CMTM8: variants seen among roughly 807,000 people sequenced by gnomAD.
CMTM8 encodes the protein CKLF like MARVEL transmembrane domain containing 8.
CMTM8 carries 12 observed loss-of-function variants against 18.6 expected under a neutral mutation model. The ratio of observed to expected loss-of-function variants is 0.65; its 90% CI spans 0.41 to 1.05. CMTM8 has a LOEUF of 1.05. CMTM8 is among the 50% of genes least tolerant of loss of function. CMTM8 has a pLI of 0.00. For synonymous variants in CMTM8, 87 were observed against 90.6 expected, an observed-to-expected ratio of 0.96 and a Z score of 0.23; for missense variants, 217 against 227.2, an observed-to-expected ratio of 0.95 and a Z score of 0.29.
chr3:32,306,710 C>T (rs1695723613), intron 1 of CMTM8, among the ~76,000 whole-genome samples: 1 of 152,116 alleles, frequency 6.6e-6, no homozygotes, highest in South Asian at 2.1e-4. Context: ...TGGATACTTC[C>T]TTGTTGAGAA....
At chr3:32,347,291 G>A (rs1172426536) in intron 1 of CMTM8, among the ~76,000 whole-genome samples, 1 of 99,130 alleles carries the variant, frequency 1.0e-5, no homozygotes, top group Non-Finnish European at 2.0e-5. Context: ...GGTTTTTTTT[G>A]CTTAGGTTTT....
chr3:32,282,070 T>G (rs1263411478), intron 1 of CMTM8, among the ~76,000 whole-genome samples: 1 of 152,116 alleles, frequency 6.6e-6, no homozygotes, highest in African/African-American at 2.4e-5. Context: ...AGCCTAGACT[T>G]CTCCCCTGGA....
chr3:32,293,242 C>T (rs1702814939), intron 1 of CMTM8, among the ~76,000 whole-genome samples: 1 of 152,020 alleles, frequency 6.6e-6, no homozygotes, highest in Non-Finnish European at 1.5e-5. Context: ...TACTTGTTTC[C>T]AATCTGTAGC....
chr3:32,240,210 G>T (rs1701929790), intron 1 of CMTM8, among the ~76,000 whole-genome samples: 1 of 152,186 alleles, frequency 6.6e-6, no homozygotes, highest in African/African-American at 2.4e-5. Flanking sequence ...ACCTCAAGTA[G>T]CTTGCTTGCT....
intron 1 of CMTM8, among the ~76,000 whole-genome samples, chr3:32,288,657 C>T (rs767678657): frequency 4.3e-4 from 65 of 152,258 alleles, no homozygotes; most frequent in African/African-American, 1.3e-3. Context: ...CCCACCACCA[C>T]GCCCAGCTAA....
At chr3:32,291,761 C>T (rs990003537) in intron 1 of CMTM8, among the ~76,000 whole-genome samples, 1 of 152,176 alleles carries the variant, frequency 6.6e-6, no homozygotes, top group Non-Finnish European at 1.5e-5. Context: ...ATACCCAGCA[C>T]CTGCCTAGTG....
At chr3:32,248,086 A>T (rs998245281) in intron 1 of CMTM8, among the ~76,000 whole-genome samples, 1 of 152,232 alleles carries the variant, frequency 6.6e-6, no homozygotes, top group African/African-American at 2.4e-5. Context: ...AATGATGTAT[A>T]CATTATTTTA....
intron 1 of CMTM8, among the ~76,000 whole-genome samples, chr3:32,326,459 C>T (rs1696157851): frequency 6.6e-6 from 1 of 152,144 alleles, no homozygotes; most frequent in Non-Finnish European, 1.5e-5. Context: ...AAATCCCAGC[C>T]TCATCCCGGC....
At chr3:32,329,088 T>C (rs1467141063) in intron 1 of CMTM8, among the ~76,000 whole-genome samples, 2 of 152,186 alleles carry the variant, frequency 1.3e-5, no homozygotes, top group African/African-American at 2.4e-5. Context: ...ATTTTTTTTT[T>C]CCAATACAGA....
chr3:32,239,168 C>G (rs750831698), intron 1 of CMTM8, 49 bp downstream of exon 1: 2 of 1,541,126 alleles, frequency 1.3e-6, no homozygotes, highest in African/African-American at 2.8e-5. Context: ...TGGACCCCGG[C>G]GCGTGCTTCC....
chr3:32,344,581 C>T (rs530685470), intron 1 of CMTM8, among the ~76,000 whole-genome samples: 3 of 152,182 alleles, frequency 2.0e-5, no homozygotes, highest in African/African-American at 7.2e-5. Flanking sequence ...CAGGGACAAA[C>T]TTATTGTCTT....
rs78675003 is a variant in CMTM8, at chr3:32,338,783, C to T, written c.148-18590C>T. Among the ~76,000 whole-genome samples the T allele has an allele frequency of 6.3e-3, 959 of 152,296 alleles. 13 individuals are homozygous for T. Among genetic ancestry groups the T allele is most frequent in the African/African-American group, 0.022 (909 of 41,548 alleles). ...AGCAGAAGACATTTGTTATCACTCA[C>T]GGTGTCTGTACATAAGGAATTCAGG... On this transcript the variant is annotated intron_variant, in intron 1 of 3. Coordinates refer to ENST00000307526, the MANE Select transcript of CMTM8 (RefSeq NM_178868.5).
intron 1 of CMTM8, among the ~76,000 whole-genome samples, chr3:32,253,378 C>T (rs1303056203): frequency 3.7e-5 from 5 of 136,972 alleles, no homozygotes; most frequent in Non-Finnish European, 4.6e-5. Context: ...AAGTCTTACT[C>T]TGTCACCCAG....
At chr3:32,349,516 A>G (rs1696663113) in intron 1 of CMTM8, among the ~76,000 whole-genome samples, 1 of 152,068 alleles carries the variant, frequency 6.6e-6, no homozygotes. Flanking sequence ...GTTTCGTTTT[A>G]CCTTATTTAC....
At chr3:32,267,783 C>T (rs1025971126) in intron 1 of CMTM8, among the ~76,000 whole-genome samples, 40 of 152,204 alleles carry the variant, frequency 2.6e-4, no homozygotes, top group African/African-American at 8.2e-4. Context: ...AAAAAGTGGG[C>T]GAAGGATATG....
intron 1 of CMTM8, among the ~76,000 whole-genome samples, chr3:32,255,798 C>T (rs1044312730): frequency 6.6e-6 from 1 of 152,080 alleles, no homozygotes; most frequent in African/African-American, 2.4e-5. Flanking sequence ...GATCTTGGCT[C>T]ACTGCAGCCT....
intron 1 of CMTM8, among the ~76,000 whole-genome samples, chr3:32,262,310 T>C (rs1005770910): frequency 6.6e-6 from 1 of 152,234 alleles, no homozygotes; most frequent in Non-Finnish European, 1.5e-5. Flanking sequence ...CTTTGGGCCA[T>C]GGCATTGTCT....
chr3:32,244,636 T>C (rs1575143216), intron 1 of CMTM8, among the ~76,000 whole-genome samples: 2 of 152,364 alleles, frequency 1.3e-5, no homozygotes, highest in Admixed American at 1.3e-4. Context: ...GTGAACATTT[T>C]TCAGGGTCTT....
At chr3:32,278,000 C>T (rs1014371626) in intron 1 of CMTM8, among the ~76,000 whole-genome samples, 2 of 152,168 alleles carry the variant, frequency 1.3e-5, no homozygotes, top group Non-Finnish European at 2.9e-5. Flanking sequence ...ACTAATTGCC[C>T]AGGGCAGACA....
Sources: allele counts gnomAD v4.1 joint callset (sites outside exome capture counted in the v4.1 genomes callset), GRCh38; gene constraint gnomAD v4.1.1; transcripts MANE v1.5; gene names NCBI Gene and HGNC (gene_info 2026-07-23, HGNC 2026-07-21).